CDH18: variants seen among roughly 807,000 people sequenced by gnomAD.
The protein encoded by CDH18 is cadherin-18.
A neutral mutation model predicts 67.9 loss-of-function variants in CDH18; 31 were observed. The ratio of observed to expected loss-of-function variants is 0.46; its 90% CI spans 0.34 to 0.62. The LOEUF (loss-of-function observed/expected upper bound fraction) is 0.62, where lower values mean the gene tolerates loss of function less well. CDH18 is among the 20% of genes least tolerant of loss of function. CDH18 has a pLI of 0.01. For synonymous variants in CDH18, 362 were observed against 347.2 expected (o/e 1.04, Z -0.48); for missense variants, 890 against 975.5 (o/e 0.91, Z 1.17).
intron 1 of CDH18, among the ~76,000 whole-genome samples, chr5:20,309,091 C>A (rs1205553647): frequency 1.3e-5 from 2 of 152,160 alleles, no homozygotes; most frequent in East Asian, 1.9e-4. Flanking sequence ...CACACATCGA[C>A]ATGCGTATGT....
At chr5:19,656,009 T>TA (rs1388925834) in intron 5 of CDH18, among the ~76,000 whole-genome samples, 17 of 149,080 alleles carry the variant, frequency 1.1e-4, no homozygotes, top group African/African-American at 4.0e-4. Context: ...TTTTTTTTTT[T>TA]ACTGACAGAC....
At chr5:20,240,429 G>T (rs896484524) in intron 2 of CDH18, among the ~76,000 whole-genome samples, 24 of 152,138 alleles carry the variant, frequency 1.6e-4, no homozygotes, top group Admixed American at 1.3e-3. Context: ...TTATAAATTT[G>T]AAGAATGCAT....
intron 1 of CDH18, among the ~76,000 whole-genome samples, chr5:20,448,747 C>T (rs1054410422): frequency 1.3e-5 from 2 of 152,074 alleles, no homozygotes. Context: ...AAACAGACGT[C>T]TGCAGGTGGT....
intron 4 of CDH18, among the ~76,000 whole-genome samples, chr5:19,736,327 G>A (rs1478632252): frequency 3.3e-5 from 5 of 152,118 alleles, no homozygotes; most frequent in Non-Finnish European, 1.5e-5. Context: ...GCTGCAGTGA[G>A]CCATAATCGT....
At chr5:19,866,916 C>A (rs1370276825) in intron 2 of CDH18, among the ~76,000 whole-genome samples, 2 of 152,068 alleles carry the variant, frequency 1.3e-5, no homozygotes, top group African/African-American at 4.8e-5. Context: ...ATGCTGAAAC[C>A]TGGTCTCTAC....
intron 1 of CDH18, among the ~76,000 whole-genome samples, chr5:20,514,058 A>G (rs574939902): frequency 1.3e-5 from 2 of 152,152 alleles, no homozygotes; most frequent in East Asian, 1.9e-4. Flanking sequence ...TTCTTTCCAC[A>G]CTGTAAGGTA....
chr5:20,095,581 G>A (rs62352584), intron 2 of CDH18, among the ~76,000 whole-genome samples: 11 of 8,952 alleles, frequency 1.2e-3, no homozygotes, highest in Middle Eastern at 0.25. Flanking sequence ...AGGAAGAAAG[G>A]AAGAAAGGAA....
chr5:20,426,419 T>C (rs114480122), intron 1 of CDH18, among the ~76,000 whole-genome samples: 7,087 of 151,154 alleles, frequency 0.047, 952 homozygotes, highest in African/African-American at 0.17. Context: ...TATTTTATCA[T>C]CCCTTATTTA....
At chr5:20,150,643 A>G (rs892382055) in intron 2 of CDH18, among the ~76,000 whole-genome samples, 4 of 151,922 alleles carry the variant, frequency 2.6e-5, no homozygotes, top group African/African-American at 9.7e-5. Flanking sequence ...TTTAAGTTTT[A>G]TATTTGTTTT....
intron 2 of CDH18, among the ~76,000 whole-genome samples, chr5:19,920,031 C>T (rs189399071): frequency 1.8e-3 from 268 of 152,224 alleles, no homozygotes; most frequent in African/African-American, 6.2e-3. Flanking sequence ...TAATAGATCA[C>T]TTTATGGCTC....
chr5:20,549,520 C>G (rs74616012), intron 1 of CDH18, among the ~76,000 whole-genome samples: 1 of 151,768 alleles, frequency 6.6e-6, no homozygotes, highest in African/African-American at 2.4e-5. Context: ...AAAGCACGGC[C>G]GAAATAACAG....
intron 2 of CDH18, among the ~76,000 whole-genome samples, chr5:20,124,480 G>A (rs1451761822): frequency 6.6e-6 from 1 of 152,056 alleles, no homozygotes; most frequent in Non-Finnish European, 1.5e-5. Flanking sequence ...AAATACAATT[G>A]CTGTGAGGAT....
intron 2 of CDH18, among the ~76,000 whole-genome samples, chr5:20,010,121 T>C (rs1561710210): frequency 1.3e-5 from 2 of 151,748 alleles, no homozygotes; most frequent in African/African-American, 4.8e-5. Context: ...GATTAGTCTA[T>C]ATTATTCTCT....
chr5:19,954,672 GA>G (rs916055694), intron 2 of CDH18, among the ~76,000 whole-genome samples: 2 of 151,174 alleles, frequency 1.3e-5, no homozygotes, highest in South Asian at 2.1e-4. Context: ...AAGTAAATAG[GA>G]AAAAAAATGC....
intron 2 of CDH18, among the ~76,000 whole-genome samples, chr5:20,112,500 T>C (rs1353226165): frequency 6.6e-6 from 1 of 152,108 alleles, no homozygotes; most frequent in Non-Finnish European, 1.5e-5. Context: ...AGCAGGTGCT[T>C]TATAAGTTAG....
At chr5:19,643,167 T>C (rs1310305253) in intron 5 of CDH18, among the ~76,000 whole-genome samples, 1 of 152,022 alleles carries the variant, frequency 6.6e-6, no homozygotes, top group African/African-American at 2.4e-5. Context: ...GGCCAGTCAC[T>C]GTCACAAAAT....
At chr5:19,968,462 C>G (rs1797693906) in intron 2 of CDH18, among the ~76,000 whole-genome samples, 1 of 151,996 alleles carries the variant, frequency 6.6e-6, no homozygotes, top group African/African-American at 2.4e-5. Flanking sequence ...GCTACAGTAA[C>G]CAAAATAGCA....
chr5:20,104,712 G>A (rs886931902), intron 2 of CDH18, among the ~76,000 whole-genome samples: 4 of 151,406 alleles, frequency 2.6e-5, no homozygotes, highest in Non-Finnish European at 5.9e-5. Flanking sequence ...ATGCCCTCTT[G>A]CCAGGTGTCT....
rs34718835 is a variant in CDH18 at position 20,266,571 on chromosome 5, A to ATTTTTTTTTTTTTTTTTTTTT, written c.-579-11087_-579-11067dup. Among the ~76,000 whole-genome samples, 25 of 59,184 alleles carry ATTTTTTTTTTTTTTTTTTTTT rather than the reference A, an allele frequency of 4.2e-4. 3 individuals carry two copies. The highest frequency in any genetic ancestry group is 9.2e-4 in the African/African-American group (13 of 14,118). The allele number at this position is 59,184 out of a possible 152,430, so 38.8% of individuals were successfully genotyped here. The stretch of plus-strand genomic sequence containing the variant: ...GGCACGTGCCGGCACGCCCGGCTGA[A>ATTTTTTTTTTTTTTTTTTTTT]TTTTTTTTTTTTTTTTTTTTTTTTT... On this transcript the variant is annotated intron_variant, in intron 1 of 14. Coordinates refer to the CDH18 transcript ENST00000507958.
Sources: gnomAD v4.1 joint callset for allele counts (sites outside exome capture counted in the v4.1 genomes callset) on GRCh38, gnomAD v4.1.1 for gene constraint, MANE v1.5 for transcripts, NCBI Gene and HGNC (gene_info 2026-07-23, HGNC 2026-07-21) for gene names.